CPT1A: variants seen among roughly 807,000 people sequenced by gnomAD.
CPT1A encodes the protein carnitine O-palmitoyltransferase 1, liver isoform.
CPT1A carries 64 observed loss-of-function variants against 100.8 expected under a neutral mutation model. The observed-to-expected ratio is 0.63, with a 90% CI of 0.52 to 0.78. The LOEUF (loss-of-function observed/expected upper bound fraction) is 0.78, where lower values mean the gene tolerates loss of function less well. CPT1A is among the 30% of genes least tolerant of loss of function. The probability of loss-of-function intolerance (pLI) is 0.00; values close to 1 mark genes in which losing one functional copy is unlikely to be tolerated. For missense variants in CPT1A, 802 were observed against 1,034.1 expected, an observed-to-expected ratio of 0.78 and a Z score of 3.08; for synonymous variants, 363 against 396.0, an observed-to-expected ratio of 0.92 and a Z score of 0.99.
chr11:68,840,054 G>GAA, intron 1 of CPT1A, among the ~76,000 whole-genome samples: 1 of 152,200 alleles, frequency 6.6e-6, no homozygotes, highest in Non-Finnish European at 1.5e-5. Flanking sequence ...GCAAGGTCTA[G>GAA]GCTAGCAATG....
intron 5 of CPT1A, among the ~76,000 whole-genome samples, chr11:68,799,925 G>GA (rs1855858805): frequency 6.6e-6 from 1 of 152,064 alleles, no homozygotes; most frequent in Admixed American, 6.5e-5. Context: ...TGCATCACCA[G>GA]AAAATCACCA....
intron 1 of CPT1A, among the ~76,000 whole-genome samples, chr11:68,832,173 G>A (rs1380841880): frequency 6.6e-6 from 1 of 152,176 alleles, no homozygotes. Context: ...CCCAGGCCAG[G>A]TGCGGTGGCT....
chr11:68,799,074 A>G, intron 6 of CPT1A, 144 bp downstream of exon 6: 1 of 728,524 alleles, frequency 1.4e-6, no homozygotes, highest in Non-Finnish European at 2.4e-6. Flanking sequence ...CACTCTGCAC[A>G]GAGGTAAAAC....
At chr11:68,790,403 A>G (rs1293225480) in intron 9 of CPT1A, among the ~76,000 whole-genome samples, 1 of 152,130 alleles carries the variant, frequency 6.6e-6, no homozygotes, top group Non-Finnish European at 1.5e-5. Context: ...ATAATTCAAT[A>G]TTAAGATGAG....
intron 1 of CPT1A, among the ~76,000 whole-genome samples, chr11:68,838,584 A>AAAAAAAAAAAAAAAAAAAAAAAAAAAC (rs1330787128): frequency 6.8e-6 from 1 of 147,016 alleles, no homozygotes; most frequent in East Asian, 2.0e-4. Context: ...AAAAAAAAAA[A>AAAAAAAAAAAAAAAAAAAAAAAAAAAC]AAAAAAACAG....
At chr11:68,757,885 T>C (rs1946722464) in intron 18 of CPT1A, among the ~76,000 whole-genome samples, 155 bp from the exon 19 acceptor site, 1 of 152,226 alleles carries the variant, frequency 6.6e-6, no homozygotes, top group African/African-American at 2.4e-5. Context: ...AACTTAGACA[T>C]TCCAGAGAAA....
Position 68,817,768 on chromosome 11 carries a change from G to A in CPT1A, c.-13-2281C>T, listed in dbSNP as rs144886265. ...AGGCTGTTGGGGGGGGGTCAGTGGC[G>A]GGACAGCTAAGGTCAAGAGCAGGCC... On this transcript the variant is annotated intron_variant, in intron 1 of 18. Transcript: ENST00000265641. 2.0e-3 allele frequency among the ~76,000 whole-genome samples: 300 copies of A among 147,218 alleles called. 2 individuals are homozygous for A. Among genetic ancestry groups the A allele is most frequent in the African/African-American group, 7.1e-3 (280 of 39,392 alleles).
chr11:68,836,850 G>GGGAA (rs150561761), intron 1 of CPT1A, among the ~76,000 whole-genome samples: 12,259 of 150,642 alleles, frequency 0.081, 628 homozygotes, highest in Non-Finnish European at 0.11. Context: ...AGAAAAGAAA[G>GGGAA]GGAAGGAAGG....
At chr11:68,828,863 C>A (rs1041525630) in intron 1 of CPT1A, among the ~76,000 whole-genome samples, 5 of 152,186 alleles carry the variant, frequency 3.3e-5, no homozygotes, top group Non-Finnish European at 5.9e-5. Context: ...GGGGAGGCCA[C>A]CAGGCACGCA....
intron 5 of CPT1A, 55 bp downstream of exon 5, chr11:68,803,944 TA>T: frequency 7.3e-7 from 1 of 1,378,922 alleles, no homozygotes. Context: ...AATTAAGACC[TA>T]AGCCTTAATC....
chr11:68,792,589 C>T (rs142757162), intron 9 of CPT1A, among the ~76,000 whole-genome samples: 209 of 152,330 alleles, frequency 1.4e-3, no homozygotes, highest in African/African-American at 4.7e-3. Flanking sequence ...TTCTCAAGGA[C>T]GTCCTGGTTT....
In CPT1A at chr11:68,807,634, A is replaced by G. The variant is rs746761212; in HGVS notation, c.286T>C (p.Cys96Arg). ...KINRTLETAN[C>R]MSSQTKNVVS... ...ACGTTCTTCGTCTGGCTGGACATGCAGTTGCTGTGGAGACAGACCCAGACA... is the reference window on the plus strand; with the variant it reads ...ACGTTCTTCGTCTGGCTGGACATGCGGTTGCTGTGGAGACAGACCCAGACA... The change falls in exon 4 of 19, where the codon TGC (cysteine) becomes CGC (arginine). Residue 96 changes from cysteine (C) to arginine (R), a missense_variant. Around this residue, in one of 4 missense-constraint regions of CPT1A, gnomAD observed 161 missense variants for 183.7 expected, o/e 0.88. Coordinates refer to ENST00000265641, the MANE Select transcript of CPT1A (RefSeq NM_001876.4). 1.2e-6 allele frequency: 2 copies of G among 1,614,004 alleles called. No individual in the cohort carries two copies. The highest frequency in any genetic ancestry group is 2.2e-5 in the South Asian group (2 of 91,076).
At chr11:68,775,241 G>A (rs944039400) in intron 13 of CPT1A, 75 bp downstream of exon 13, 10 of 1,276,232 alleles carry the variant, frequency 7.8e-6, no homozygotes, top group Non-Finnish European at 1.1e-5. Context: ...ACTACGGTTG[G>A]AAAATTCATC....
At chr11:68,816,518 TCTTCCTGTACC>T (rs1310716061) in intron 1 of CPT1A, among the ~76,000 whole-genome samples, 1 of 152,082 alleles carries the variant, frequency 6.6e-6, no homozygotes, top group Non-Finnish European at 1.5e-5. Flanking sequence ...TCTGCTACAT[TCTTCCTGTACC>T]CTTCATCCTG....
chr11:68,824,999 G>A (rs189351220), intron 1 of CPT1A, among the ~76,000 whole-genome samples: 53 of 152,022 alleles, frequency 3.5e-4, no homozygotes, highest in East Asian at 5.8e-4. Context: ...AGATTACACC[G>A]TGTTGGCCAG....
chr11:68,799,334 G>C lies in CPT1A; in HGVS notation c.577C>G (p.Leu193Val). ...VNRYLQSVRPLMKEEDFKRMT... is the reference protein window; with the variant it reads ...VNRYLQSVRPVMKEEDFKRMT... ...CGTTTGAAGTCTTCTTCCTTCATAA[G>C]AGGCCTCACCGACTGTAGATACTGG... The change falls in exon 6 of 19, where the codon CTT (leucine) becomes GTT (valine). Residue 193 changes from leucine (L) to valine (V), a missense_variant. Transcript: ENST00000265641. 1 of 1,613,866 alleles carries C rather than the reference G, an allele frequency of 6.2e-7. No individual in the cohort carries two copies. The highest frequency in any genetic ancestry group is 8.5e-7 in the Non-Finnish European group (1 of 1,179,922).
At chr11:68,811,938 G>C (rs1856222500) in intron 3 of CPT1A, among the ~76,000 whole-genome samples, 1 of 144,226 alleles carries the variant, frequency 6.9e-6, no homozygotes, top group South Asian at 2.1e-4. Context: ...AACCCTAGAG[G>C]TAGGAGGGAC....
chr11:68,760,213 C>G lies in CPT1A; in HGVS notation c.2142+12G>C, dbSNP rs370349762. On this transcript the variant is annotated intron_variant, in intron 17 of 18. Transcript: ENST00000265641. ...CGCCCCACTGCGCCTCGCCCAGCCCCGCCGCACTCACCGGTCCAAAGCCCC... is the reference window on the plus strand; with the variant it reads ...CGCCCCACTGCGCCTCGCCCAGCCCGGCCGCACTCACCGGTCCAAAGCCCC... The G allele has an allele frequency of 6.3e-7, 1 of 1,589,904 alleles. No homozygotes were observed. Among genetic ancestry groups the G allele is most frequent in the Admixed American group, 1.7e-5 (1 of 58,110 alleles).
At chr11:68,778,688 G>T (rs1406773532) in intron 12 of CPT1A, among the ~76,000 whole-genome samples, 6 of 150,624 alleles carry the variant, frequency 4.0e-5, no homozygotes, top group Non-Finnish European at 8.9e-5. Context: ...AGAACAAGAC[G>T]CCATCTCAAA....
Sources: allele counts gnomAD v4.1 joint callset (sites outside exome capture counted in the v4.1 genomes callset), GRCh38; gene constraint gnomAD v4.1.1; regional missense constraint gnomAD v4.1.1; transcripts MANE v1.5; gene names NCBI Gene and HGNC (gene_info 2026-07-23, HGNC 2026-07-21).